ERBB4: variants seen among roughly 807,000 people sequenced by gnomAD.
ERBB4 encodes receptor tyrosine-protein kinase erbB-4.
In ERBB4, 42 loss-of-function variants were observed where a neutral mutation model predicts 158.0. That is an observed-to-expected ratio of 0.27 (90% CI 0.21 to 0.34). The LOEUF is 0.34. ERBB4 is among the 10% of genes least tolerant of loss of function. The pLI, the probability that ERBB4 is intolerant of heterozygous loss-of-function variation, is 1.00. For missense variants in ERBB4, 1,333 were observed against 1,624.1 expected (o/e 0.82, Z 3.08); for synonymous variants, 583 against 558.7 (o/e 1.04, Z -0.61).
chr2:211,453,812 T>A (rs931495684), intron 20 of ERBB4, among the ~76,000 whole-genome samples: 22 of 152,204 alleles, frequency 1.4e-4, no homozygotes, highest in Non-Finnish European at 3.2e-4. Flanking sequence ...TGTAGAAAGT[T>A]GTTTGTTTTA....
chr2:212,267,411 A>C (rs1327850263), intron 1 of ERBB4, among the ~76,000 whole-genome samples: 1 of 151,912 alleles, frequency 6.6e-6, no homozygotes, highest in Non-Finnish European at 1.5e-5. Flanking sequence ...AAAAACAAGA[A>C]CAAAAAACTT....
At chr2:212,485,071 C>T (rs142524094) in intron 1 of ERBB4, among the ~76,000 whole-genome samples, 71 of 152,202 alleles carry the variant, frequency 4.7e-4, no homozygotes, top group African/African-American at 1.6e-3. Context: ...TATAAGATTA[C>T]GATTTCATTA....
chr2:212,273,100 A>G (rs959126996), intron 1 of ERBB4, among the ~76,000 whole-genome samples: 2 of 151,714 alleles, frequency 1.3e-5, no homozygotes, highest in Non-Finnish European at 2.9e-5. Flanking sequence ...TCTGACCAAC[A>G]TAGCATTCTT....
chr2:211,897,059 TTA>T (rs2125021154), intron 3 of ERBB4, among the ~76,000 whole-genome samples: 1 of 150,040 alleles, frequency 6.7e-6, no homozygotes, highest in East Asian at 1.9e-4. Flanking sequence ...ATACAAATTA[TTA>T]TATAAGTATA....
chr2:211,450,541 G>A (rs115180571), intron 20 of ERBB4, among the ~76,000 whole-genome samples: 1,771 of 152,120 alleles, frequency 0.012, 31 homozygotes, highest in African/African-American at 0.04. Flanking sequence ...AGAAGTAATC[G>A]ATTTGAAAGA....
intron 2 of ERBB4, among the ~76,000 whole-genome samples, chr2:211,951,981 T>C (rs1479143599): frequency 6.6e-6 from 1 of 151,958 alleles, no homozygotes; most frequent in African/African-American, 2.4e-5. Context: ...TCCCTTTCTC[T>C]GACCCAGAAA....
At chr2:211,912,492 T>C (rs1295357970) in intron 3 of ERBB4, among the ~76,000 whole-genome samples, 1 of 152,148 alleles carries the variant, frequency 6.6e-6, no homozygotes, top group Non-Finnish European at 1.5e-5. Flanking sequence ...CATACTTTTA[T>C]ACAATTATAA....
chr2:212,476,153 TCACACA>T (rs59580011), intron 1 of ERBB4, among the ~76,000 whole-genome samples: 59 of 144,282 alleles, frequency 4.1e-4, no homozygotes, highest in Non-Finnish European at 5.9e-4. Flanking sequence ...TCTCTCTCTG[TCACACA>T]CACACACACA....
At chr2:211,392,025 T>C (rs532285148) in intron 25 of ERBB4, among the ~76,000 whole-genome samples, 1 of 152,278 alleles carries the variant, frequency 6.6e-6, no homozygotes, top group Non-Finnish European at 1.5e-5. Context: ...TTCCTTTGAC[T>C]AAAATAAAAT....
At chr2:211,693,593 T>C (rs2072901955) in intron 12 of ERBB4, among the ~76,000 whole-genome samples, 1 of 152,164 alleles carries the variant, frequency 6.6e-6, no homozygotes, top group Non-Finnish European at 1.5e-5. Context: ...GGGAATAATA[T>C]GGGGTGTGAC....
intron 1 of ERBB4, among the ~76,000 whole-genome samples, chr2:212,260,769 C>T (rs181049523): frequency 3.3e-4 from 50 of 151,558 alleles, no homozygotes; most frequent in African/African-American, 5.3e-4. Context: ...GCCGAGATAG[C>T]GCCACTGCAC....
intron 3 of ERBB4, among the ~76,000 whole-genome samples, chr2:211,910,711 C>T (rs1012271923): frequency 2.0e-4 from 30 of 152,040 alleles, no homozygotes; most frequent in Middle Eastern, 3.4e-3. Flanking sequence ...GGCATTTGTA[C>T]CCCTAAACTT....
intron 2 of ERBB4, among the ~76,000 whole-genome samples, chr2:212,053,096 T>A (rs944747535): frequency 1.3e-5 from 2 of 152,034 alleles, no homozygotes; most frequent in African/African-American, 2.4e-5. Context: ...AACAGGAGGA[T>A]CTCTTGAGCC....
At chr2:211,988,995 G>A (rs2082004786) in intron 2 of ERBB4, among the ~76,000 whole-genome samples, 1 of 151,968 alleles carries the variant, frequency 6.6e-6, no homozygotes, top group Admixed American at 6.6e-5. Flanking sequence ...GAAACTCTAA[G>A]ATGGTATTGT....
intron 1 of ERBB4, among the ~76,000 whole-genome samples, chr2:212,327,863 G>GGTC (rs1553618548): frequency 1.3e-5 from 2 of 149,510 alleles, no homozygotes; most frequent in Admixed American, 1.3e-4. Flanking sequence ...CCTCCAAAAA[G>GGTC]TTATTTTTTA....
intron 3 of ERBB4, among the ~76,000 whole-genome samples, chr2:211,877,351 C>CT (rs35012873): frequency 0.15 from 22,665 of 151,932 alleles, 1,825 homozygotes; most frequent in Non-Finnish European, 0.17. Flanking sequence ...CCAGATTATG[C>CT]TTTTTTTACT....
intron 2 of ERBB4, among the ~76,000 whole-genome samples, chr2:212,065,869 C>G (rs2077929307): frequency 6.6e-6 from 1 of 151,958 alleles, no homozygotes. Context: ...TAGAAATGTG[C>G]TTGTTCTCAG....
At chr2:212,056,903 G>C (rs925677718) in intron 2 of ERBB4, among the ~76,000 whole-genome samples, 1 of 152,144 alleles carries the variant, frequency 6.6e-6, no homozygotes, top group Non-Finnish European at 1.5e-5. Flanking sequence ...ACATCATAAT[G>C]ACAGGATCAA....
intron 1 of ERBB4, among the ~76,000 whole-genome samples, chr2:212,408,028 A>G (rs1365569194): frequency 6.6e-6 from 1 of 152,002 alleles, no homozygotes; most frequent in Non-Finnish European, 1.5e-5. Flanking sequence ...AAAAATCTAT[A>G]TTTATAAATA....
Sources: gnomAD v4.1 joint callset for allele counts (sites outside exome capture counted in the v4.1 genomes callset) on GRCh38, gnomAD v4.1.1 for gene constraint, MANE v1.5 for transcripts, NCBI Gene and HGNC (gene_info 2026-07-23, HGNC 2026-07-21) for gene names.